Variants in RBFOX1 observed in about 807,000 individuals in gnomAD.
The protein encoded by RBFOX1 is RNA binding protein fox-1 homolog 1.
RBFOX1 carries 8 observed loss-of-function variants against 57.7 expected under a neutral mutation model. The observed-to-expected ratio is 0.14, with a 90% CI of 0.08 to 0.25. The LOEUF is 0.25. RBFOX1 is among the 10% of genes least tolerant of loss of function. RBFOX1 has a pLI of 1.00. For synonymous variants in RBFOX1, 326 were observed against 222.4 expected, an observed-to-expected ratio of 1.47 and a Z score of -4.15; for missense variants, 611 against 548.5, an observed-to-expected ratio of 1.11 and a Z score of -1.14.
chr16:6,969,529 G>C (rs925664627), intron 3 of RBFOX1, among the ~76,000 whole-genome samples: 1 of 151,976 alleles, frequency 6.6e-6, no homozygotes, highest in Non-Finnish European at 1.5e-5. Flanking sequence ...GAGCTCGGGA[G>C]TTTGAGACCA....
chr16:7,081,098 G>A (rs764993745), intron 4 of RBFOX1, among the ~76,000 whole-genome samples: 2 of 152,106 alleles, frequency 1.3e-5, no homozygotes, highest in African/African-American at 4.8e-5. Context: ...GCAGTGGCAC[G>A]ATGTTGGCTC....
At chr16:6,920,125 T>C (rs2074136458) in intron 3 of RBFOX1, among the ~76,000 whole-genome samples, 1 of 152,228 alleles carries the variant, frequency 6.6e-6, no homozygotes, top group South Asian at 2.1e-4. Context: ...TGTTCCATTT[T>C]ATGGCTGAGT....
chr16:6,968,316 G>A (rs539004466), intron 3 of RBFOX1, among the ~76,000 whole-genome samples: 3 of 152,326 alleles, frequency 2.0e-5, no homozygotes, highest in South Asian at 2.1e-4. Context: ...AATTAGCAGC[G>A]ATGGAAACAA....
At chr16:7,654,553 G>T (rs181765672) in intron 12 of RBFOX1, among the ~76,000 whole-genome samples, 1 of 152,214 alleles carries the variant, frequency 6.6e-6, no homozygotes, top group African/African-American at 2.4e-5. Flanking sequence ...AGATTAGTTT[G>T]TTTCCCATTG....
chr16:7,649,341 C>T (rs1478026564), intron 11 of RBFOX1, among the ~76,000 whole-genome samples: 2 of 151,976 alleles, frequency 1.3e-5, no homozygotes, highest in Non-Finnish European at 2.9e-5. Context: ...AGGAATGCTT[C>T]TGTTCACAAG....
At chr16:5,378,371 C>T (rs1268618045) in intron 1 of RBFOX1, among the ~76,000 whole-genome samples, 1 of 151,554 alleles carries the variant, frequency 6.6e-6, no homozygotes, top group Non-Finnish European at 1.5e-5. Context: ...CCATAGTTGC[C>T]ATCCTCGTTT....
chr16:7,603,158 C>G (rs2095128323), intron 9 of RBFOX1, among the ~76,000 whole-genome samples: 1 of 152,262 alleles, frequency 6.6e-6, no homozygotes, highest in South Asian at 2.1e-4. Context: ...ACAGTCATCC[C>G]TAACACGATT....
chr16:6,939,130 C>G (rs1293259426), intron 3 of RBFOX1, among the ~76,000 whole-genome samples: 1 of 152,036 alleles, frequency 6.6e-6, no homozygotes, highest in African/African-American at 2.4e-5. Context: ...TAGCAACCTG[C>G]CAAGGTCACA....
At chr16:7,027,526 T>C (rs201992407) in intron 3 of RBFOX1, among the ~76,000 whole-genome samples, 1 of 8,998 alleles carries the variant, frequency 1.1e-4, no homozygotes, top group Admixed American at 1.0e-3. Context: ...GCTTCAGGGC[T>C]TTTTTTTCTA....
chr16:5,984,565 T>C lies in RBFOX1; in HGVS notation c.351+117230T>C, dbSNP rs74763782. Among the ~76,000 whole-genome samples, 729 of 152,220 alleles carry C rather than the reference T, an allele frequency of 4.8e-3. 8 individuals carry two copies. Among genetic ancestry groups the C allele is most frequent in the African/African-American group, 0.017 (691 of 41,552 alleles). ...ACTTACCTAACCCTTGGAACAATCT[T>C]ATGAGAGAATAGTAACTGCACATTC... On this transcript the variant is annotated intron_variant, in intron 4 of 19. Coordinates refer to the RBFOX1 transcript ENST00000641259.
At chr16:6,133,201 A>G (rs995930790) in intron 1 of RBFOX1, among the ~76,000 whole-genome samples, 1 of 152,100 alleles carries the variant, frequency 6.6e-6, no homozygotes, top group Non-Finnish European at 1.5e-5. Flanking sequence ...CATTATATCA[A>G]TTGCTACATC....
intron 4 of RBFOX1, among the ~76,000 whole-genome samples, chr16:7,059,208 C>T (rs532878771): frequency 6.6e-6 from 1 of 152,174 alleles, no homozygotes; most frequent in African/African-American, 2.4e-5. Context: ...TGTCTCACCC[C>T]TCTCCACTTT....
At chr16:7,245,141 T>C (rs1029945614) in intron 4 of RBFOX1, among the ~76,000 whole-genome samples, 2 of 152,306 alleles carry the variant, frequency 1.3e-5, no homozygotes, top group Admixed American at 6.5e-5. Context: ...ATTATTTTTA[T>C]TGATAACATA....
At chr16:5,940,793 A>G (rs1373819997) in intron 4 of RBFOX1, among the ~76,000 whole-genome samples, 2 of 152,088 alleles carry the variant, frequency 1.3e-5, no homozygotes, top group Non-Finnish European at 1.5e-5. Flanking sequence ...TCTGGCACAT[A>G]TGGGACTTGG....
rs574831673 is a variant in RBFOX1, at chr16:6,957,116, T to TTTTTTTTATTTATTTATTTA, written c.-15-94938_-15-94937insTTTTATTTATTTATTTATTT. On this transcript the variant is annotated intron_variant, in intron 3 of 15. Transcript: ENST00000550418. Reference sequence around the variant, plus strand: ...ATTTATTTTATTTTTTTATTTTTATTTTTATTTATTTATTTATTTATTTAT... The same window carrying TTTTTTTTATTTATTTATTTA: ...ATTTATTTTATTTTTTTATTTTTATTTTTTTTTATTTATTTATTTATTTATTTATTTATTTATTTATTTAT... Among the ~76,000 whole-genome samples the TTTTTTTTATTTATTTATTTA allele has an allele frequency of 3.4e-3, 469 of 139,236 alleles. 2 individuals carry two copies. Among genetic ancestry groups the TTTTTTTTATTTATTTATTTA allele is most frequent in the Middle Eastern group, 7.4e-3 (2 of 270 alleles). The allele number at this position is 139,236 out of a possible 152,430, so 91.3% of individuals were successfully genotyped here.
intron 1 of RBFOX1, among the ~76,000 whole-genome samples, chr16:5,401,237 A>G (rs1028553558): frequency 1.3e-5 from 2 of 152,184 alleles, no homozygotes; most frequent in Non-Finnish European, 2.9e-5. Flanking sequence ...TATATTTGGA[A>G]TTCATTTTGT....
At chr16:6,438,650 G>T (rs1288969763) in intron 2 of RBFOX1, among the ~76,000 whole-genome samples, 1 of 152,132 alleles carries the variant, frequency 6.6e-6, no homozygotes, top group South Asian at 2.1e-4. Flanking sequence ...CTGAGTTGGG[G>T]TTGGCGTTGT....
chr16:7,635,616 T>C (rs1568209456), intron 11 of RBFOX1, among the ~76,000 whole-genome samples: 2 of 151,962 alleles, frequency 1.3e-5, no homozygotes, highest in East Asian at 3.9e-4. Flanking sequence ...CAGAGGAGAG[T>C]ATACACAGAT....
At position 6,372,860 on chromosome 16, in the gene RBFOX1, G is replaced by A. The variant is rs1462408971; in HGVS notation, c.-64+55803G>A. ...GGTTAGGATCTTTGGGTAGGAGTAC[G>A]GTCGGGTGGAATGGAGATTTGATGG... On this transcript the variant is annotated intron_variant, in intron 2 of 15. Coordinates refer to ENST00000550418, the MANE Select transcript of RBFOX1 (RefSeq NM_018723.4). Among the ~76,000 whole-genome samples the A allele has an allele frequency of 4.6e-5, 7 of 150,848 alleles. No homozygotes were observed. In the East Asian group the frequency reaches 9.9e-4, roughly 21 times the overall value.
Sources: gnomAD v4.1 joint callset for allele counts (sites outside exome capture counted in the v4.1 genomes callset) on GRCh38, gnomAD v4.1.1 for gene constraint, MANE v1.5 for transcripts, NCBI Gene and HGNC (gene_info 2026-07-23, HGNC 2026-07-21) for gene names.